Variants in RAD51B observed in about 807,000 individuals in gnomAD.
The protein encoded by RAD51B is DNA repair protein RAD51 homolog 2.
RAD51B carries 38 observed loss-of-function variants against 42.2 expected under a neutral mutation model. The observed-to-expected ratio is 0.90, with a 90% CI of 0.70 to 1.18. The LOEUF (loss-of-function observed/expected upper bound fraction) is 1.18. Among genes scored for constraint, RAD51B ranks in the 50% most tolerant of loss-of-function variants. The pLI, the probability that RAD51B is intolerant of heterozygous loss-of-function variation, is 0.00. For synonymous variants in RAD51B, 154 were observed against 145.2 expected (o/e 1.06, Z -0.43); for missense variants, 373 against 400.7 (o/e 0.93, Z 0.59).
At chr14:68,464,097 A>G (rs1432958770) in intron 9 of RAD51B, among the ~76,000 whole-genome samples, 2 of 152,224 alleles carry the variant, frequency 1.3e-5, no homozygotes, top group Non-Finnish European at 2.9e-5. Context: ...ATAAAATTGC[A>G]TCCCAAACAA....
intron 9 of RAD51B, among the ~76,000 whole-genome samples, chr14:68,417,497 A>G (rs2084591333): frequency 6.6e-6 from 1 of 152,232 alleles, no homozygotes; most frequent in Non-Finnish European, 1.5e-5. Flanking sequence ...TCTAACAGGT[A>G]TTAAGTGGAT....
intron 8 of RAD51B, among the ~76,000 whole-genome samples, chr14:68,325,908 C>G (rs1296818628): frequency 2.0e-5 from 3 of 151,918 alleles, no homozygotes; most frequent in Non-Finnish European, 4.4e-5. Context: ...AAGTGTCAAG[C>G]TCTGTGCTAG....
intron 7 of RAD51B, among the ~76,000 whole-genome samples, chr14:67,969,280 A>T (rs952035406): frequency 2.6e-5 from 4 of 152,228 alleles, no homozygotes; most frequent in African/African-American, 9.6e-5. Flanking sequence ...TGTTGGTTTC[A>T]GGAGGAGTGT....
chr14:68,192,121 C>T (rs2079280058), intron 7 of RAD51B, among the ~76,000 whole-genome samples: 1 of 152,190 alleles, frequency 6.6e-6, no homozygotes, highest in African/African-American at 2.4e-5. Context: ...AGGTCACCTA[C>T]AGGCCAGACA....
chr14:68,479,342 G>T (rs772823467), downstream of RAD51B, among the ~76,000 whole-genome samples: 1 of 152,108 alleles, frequency 6.6e-6, no homozygotes, highest in Admixed American at 6.5e-5. Context: ...AATCCGGCAC[G>T]TTGGCCTTGA....
intron 7 of RAD51B, among the ~76,000 whole-genome samples, chr14:68,059,916 A>T (rs1369743969): frequency 4.6e-5 from 7 of 152,176 alleles, no homozygotes. Flanking sequence ...TCTTTGTTAC[A>T]GTTTTTAGAA....
chr14:68,468,085 C>A, intron 9 of RAD51B, 87 bp from the exon 10 acceptor site: 3 of 1,149,112 alleles, frequency 2.6e-6, no homozygotes, highest in East Asian at 2.4e-5. Context: ...CCTATGTTAC[C>A]ACTTTGTCTC....
intron 7 of RAD51B, among the ~76,000 whole-genome samples, chr14:67,949,582 C>T (rs1208736536): frequency 6.6e-6 from 1 of 152,162 alleles, no homozygotes; most frequent in African/African-American, 2.4e-5. Context: ...TTCTTCGCTC[C>T]TGTCAATGTT....
intron 8 of RAD51B, among the ~76,000 whole-genome samples, chr14:68,367,365 C>T (rs74982844): frequency 2.6e-5 from 4 of 152,154 alleles, no homozygotes; most frequent in East Asian, 1.9e-4. Flanking sequence ...GACAGACTTA[C>T]GTATTTATGT....
At chr14:68,659,167 C>A (rs958333964) in intron 11 of RAD51B, among the ~76,000 whole-genome samples, 15 of 152,356 alleles carry the variant, frequency 9.8e-5, no homozygotes, top group African/African-American at 2.4e-4. Context: ...ACCCACGGAG[C>A]CTTTTCCTCC....
intron 8 of RAD51B, among the ~76,000 whole-genome samples, chr14:68,311,984 G>A (rs975569975): frequency 6.6e-6 from 1 of 152,128 alleles, no homozygotes; most frequent in Admixed American, 6.5e-5. Context: ...ACTCAGCATT[G>A]TTATTTCAAT....
chr14:68,579,779 G>A (rs576825432), intron 10 of RAD51B, among the ~76,000 whole-genome samples: 120 of 152,324 alleles, frequency 7.9e-4, no homozygotes, highest in Admixed American at 1.6e-3. Flanking sequence ...TTCCAAGGAG[G>A]CTGGCTGCCC....
chr14:68,628,366 G>A (rs909012980), intron 10 of RAD51B: 1 of 152,260 alleles, frequency 6.6e-6, no homozygotes, highest in Non-Finnish European at 1.5e-5. Flanking sequence ...GGTAAAAGCC[G>A]GCACAGAACC....
intron 7 of RAD51B, among the ~76,000 whole-genome samples, chr14:68,062,948 A>G (rs1034441274): frequency 2.6e-5 from 4 of 151,100 alleles, no homozygotes; most frequent in African/African-American, 9.7e-5. Flanking sequence ...CATGCTTTCC[A>G]TTTCTTTCTG....
intron 7 of RAD51B, among the ~76,000 whole-genome samples, chr14:68,200,175 G>A (rs900254496): frequency 4.6e-5 from 7 of 152,086 alleles, no homozygotes; most frequent in African/African-American, 1.7e-4. Context: ...AGGAGTAATC[G>A]TCTTCTAGTT....
chr14:68,531,460 G>C (rs1352229481), intron 10 of RAD51B, among the ~76,000 whole-genome samples: 1 of 152,110 alleles, frequency 6.6e-6, no homozygotes, highest in Non-Finnish European at 1.5e-5. Flanking sequence ...TGGTGTCACA[G>C]TAAGGCAAAT....
At chr14:68,437,356 G>C (rs546142801) in intron 9 of RAD51B, among the ~76,000 whole-genome samples, 1 of 152,284 alleles carries the variant, frequency 6.6e-6, no homozygotes, top group African/African-American at 2.4e-5. Flanking sequence ...CAGAAATGAA[G>C]CTTACTTGAT....
At chr14:68,425,349 GC>G (rs1219205128) in intron 9 of RAD51B, among the ~76,000 whole-genome samples, 1 of 152,208 alleles carries the variant, frequency 6.6e-6, no homozygotes, top group African/African-American at 2.4e-5. Context: ...TTACTTAATG[GC>G]CATTATAAAC....
At chr14:68,389,000 A>G (rs1246926296) in intron 8 of RAD51B, among the ~76,000 whole-genome samples, 7 of 152,230 alleles carry the variant, frequency 4.6e-5, no homozygotes, top group African/African-American at 7.2e-5. Context: ...TTCAGAATTC[A>G]GAAATGGAAC....
Sources: allele counts gnomAD v4.1 joint callset (sites outside exome capture counted in the v4.1 genomes callset), GRCh38; gene constraint gnomAD v4.1.1; transcripts MANE v1.5; gene names NCBI Gene and HGNC (gene_info 2026-07-23, HGNC 2026-07-21).